Variants in BBX observed in about 807,000 individuals in gnomAD.
The protein encoded by BBX is BBX high mobility group box domain containing.
A neutral mutation model predicts 100.2 loss-of-function variants in BBX; 30 were observed. That is an observed-to-expected ratio of 0.30 (90% CI 0.22 to 0.41). BBX has a LOEUF of 0.41. Ranked by LOEUF, BBX falls within the 10% of genes least tolerant of loss-of-function variation. The pLI is 1.00. For missense variants in BBX, 1,023 were observed against 1,129.8 expected (o/e 0.91, Z 1.35); for synonymous variants, 376 against 388.1 (o/e 0.97, Z 0.37).
At chr3:107,702,915 G>GGA (rs1460843278) in intron 3 of BBX, among the ~76,000 whole-genome samples, 2 of 152,152 alleles carry the variant, frequency 1.3e-5, no homozygotes, top group Non-Finnish European at 2.9e-5. Context: ...TGGCGGGTGT[G>GGA]GAGAGCAGGT....
At chr3:107,564,040 C>G (rs1341518387) in intron 2 of BBX, among the ~76,000 whole-genome samples, 1 of 151,976 alleles carries the variant, frequency 6.6e-6, no homozygotes, top group Non-Finnish European at 1.5e-5. Flanking sequence ...TTTCCTATAC[C>G]TTTGAAAAAC....
chr3:107,704,738 C>G (rs537996245), intron 3 of BBX, among the ~76,000 whole-genome samples: 15 of 152,302 alleles, frequency 9.8e-5, no homozygotes, highest in Admixed American at 6.5e-4. Flanking sequence ...CTTCCCAACA[C>G]TGTTACTCTG....
chr3:107,646,927 A>G (rs1365627), intron 3 of BBX, among the ~76,000 whole-genome samples: 31,622 of 151,974 alleles, frequency 0.21, 3,508 homozygotes, highest in African/African-American at 0.28. Flanking sequence ...CGAGTCTCCT[A>G]AAAGTCATTG....
At chr3:107,756,664 A>G (rs2065503083) in intron 10 of BBX, among the ~76,000 whole-genome samples, 1 of 152,178 alleles carries the variant, frequency 6.6e-6, no homozygotes, top group South Asian at 2.1e-4. Flanking sequence ...TAAAAATACA[A>G]AGGCCTTAAA....
intron 2 of BBX, among the ~76,000 whole-genome samples, chr3:107,537,738 A>G (rs902766751): frequency 2.0e-5 from 3 of 152,182 alleles, no homozygotes; most frequent in African/African-American, 7.2e-5. Flanking sequence ...CTCAGAATGT[A>G]TGTGTTTTCA....
chr3:107,587,487 G>A (rs888057123), intron 2 of BBX, among the ~76,000 whole-genome samples: 1 of 152,098 alleles, frequency 6.6e-6, no homozygotes, highest in East Asian at 1.9e-4. Context: ...TAAAGAATTA[G>A]TTGGGAATAT....
intron 3 of BBX, among the ~76,000 whole-genome samples, chr3:107,689,196 A>C (rs905009995): frequency 6.6e-6 from 1 of 152,162 alleles, no homozygotes; most frequent in African/African-American, 2.4e-5. Flanking sequence ...GAAGACCTTT[A>C]TTTGGTACAA....
intron 2 of BBX, among the ~76,000 whole-genome samples, chr3:107,550,076 T>C (rs1316678241): frequency 6.6e-6 from 1 of 152,182 alleles, no homozygotes; most frequent in Non-Finnish European, 1.5e-5. Context: ...TTATTGAGCA[T>C]CTCCTGTATT....
intron 16 of BBX, among the ~76,000 whole-genome samples, chr3:107,799,074 C>T (rs1203032925): frequency 4.6e-5 from 7 of 151,134 alleles, no homozygotes; most frequent in Admixed American, 6.6e-5. Flanking sequence ...GGCGTGAACC[C>T]GAGAGTCGGA....
chr3:107,698,151 C>G (rs1336010578), intron 3 of BBX, among the ~76,000 whole-genome samples: 1 of 151,798 alleles, frequency 6.6e-6, no homozygotes, highest in African/African-American at 2.4e-5. Flanking sequence ...AGAAATCACC[C>G]GTCTTCTGGG....
At chr3:107,791,389 G>C (rs747266316) in intron 15 of BBX, 90 bp downstream of exon 15, 9 of 1,114,268 alleles carry the variant, frequency 8.1e-6, no homozygotes, top group Admixed American at 3.7e-5. Context: ...ATTTATATAG[G>C]TTTAAACAAC....
chr3:107,558,071 T>G (rs1461546488), intron 2 of BBX, among the ~76,000 whole-genome samples: 1 of 152,196 alleles, frequency 6.6e-6, no homozygotes, highest in Non-Finnish European at 1.5e-5. Context: ...TGCTAAAATT[T>G]GAGATCTACT....
intron 2 of BBX, among the ~76,000 whole-genome samples, chr3:107,593,864 C>G (rs192415919): frequency 1.6e-4 from 24 of 152,190 alleles, no homozygotes; most frequent in African/African-American, 5.3e-4. Flanking sequence ...GATTAAAAGC[C>G]CAAAACACAG....
At chr3:107,593,311 A>G (rs2053463613) in intron 2 of BBX, among the ~76,000 whole-genome samples, 1 of 152,214 alleles carries the variant, frequency 6.6e-6, no homozygotes, top group South Asian at 2.1e-4. Flanking sequence ...CAAAATAGAT[A>G]CTGAAAGATC....
At chr3:107,783,078 T>A (rs1164935654) in intron 13 of BBX, among the ~76,000 whole-genome samples, 4 of 152,162 alleles carry the variant, frequency 2.6e-5, no homozygotes, top group African/African-American at 9.6e-5. Flanking sequence ...AATTTCCTTA[T>A]ATTTGCTATT....
At chr3:107,619,984 T>C (rs926797060) in intron 2 of BBX, among the ~76,000 whole-genome samples, 15 of 152,264 alleles carry the variant, frequency 9.9e-5, no homozygotes, top group South Asian at 8.3e-4. Context: ...TCAGCCCTGC[T>C]CTCTTTCTTC....
intron 2 of BBX, among the ~76,000 whole-genome samples, chr3:107,545,520 C>T (rs1203055184): frequency 2.0e-5 from 3 of 152,036 alleles, no homozygotes; most frequent in African/African-American, 2.4e-5. Flanking sequence ...TGCTGGAAAC[C>T]GAAGTTTTCA....
chr3:107,631,181 A>G (rs1410836437), intron 2 of BBX, among the ~76,000 whole-genome samples: 3 of 152,172 alleles, frequency 2.0e-5, no homozygotes, highest in Non-Finnish European at 4.4e-5. Flanking sequence ...TTCCATTACA[A>G]TAGAGAAATT....
chr3:107,656,744 T>G (rs185027000), intron 3 of BBX, among the ~76,000 whole-genome samples: 10 of 152,324 alleles, frequency 6.6e-5, no homozygotes, highest in Non-Finnish European at 1.2e-4. Context: ...AAATATTTAC[T>G]AATTATCATG....
Sources: gnomAD v4.1 joint callset for allele counts (sites outside exome capture counted in the v4.1 genomes callset) on GRCh38, gnomAD v4.1.1 for gene constraint, MANE v1.5 for transcripts, NCBI Gene and HGNC (gene_info 2026-07-23, HGNC 2026-07-21) for gene names.